Variants in FBXL13 observed in about 807,000 individuals in gnomAD.
FBXL13 encodes F-box and leucine rich repeat protein 13.
FBXL13 carries 67 observed loss-of-function variants against 83.6 expected under a neutral mutation model. The ratio of observed to expected loss-of-function variants is 0.80; its 90% CI spans 0.66 to 0.98. The LOEUF is 0.98. FBXL13 is among the 50% of genes least tolerant of loss of function. The pLI is 0.00. For missense variants in FBXL13, 822 were observed against 866.5 expected (o/e 0.95, Z 0.64); for synonymous variants, 272 against 299.5 (o/e 0.91, Z 0.95).
intron 6 of FBXL13, among the ~76,000 whole-genome samples, chr7:103,014,331 G>C (rs1202754418): frequency 1.3e-5 from 2 of 151,954 alleles, no homozygotes; most frequent in Non-Finnish European, 1.5e-5. Flanking sequence ...CTCCAGCCTG[G>C]GTGACAGAGC....
chr7:102,875,110 C>G (rs978456791), intron 16 of FBXL13, among the ~76,000 whole-genome samples: 2 of 152,132 alleles, frequency 1.3e-5, no homozygotes, highest in Non-Finnish European at 2.9e-5. Context: ...TGTGACCCTT[C>G]AGACAACAGC....
chr7:103,060,018 TTTTATATATATATA>T (rs1797702660), intron 1 of FBXL13, among the ~76,000 whole-genome samples: 1 of 58,354 alleles, frequency 1.7e-5, no homozygotes, highest in African/African-American at 6.1e-5. Context: ...TAGCAAGATA[TTTTATATATATATA>T]TATATATATA....
intron 2 of FBXL13, 47 bp downstream of exon 3, chr7:103,055,041 C>T (rs567402328): frequency 1.3e-5 from 14 of 1,117,436 alleles, no homozygotes; most frequent in East Asian, 1.2e-4. Context: ...AAAATTCCAT[C>T]GAAGTTTAAA....
At chr7:102,913,426 ACATTTCAAG>A in intron 10 of FBXL13, among the ~76,000 whole-genome samples, 1 of 152,256 alleles carries the variant, frequency 6.6e-6, no homozygotes, top group Non-Finnish European at 1.5e-5. Context: ...ACCTTGTAAT[ACATTTCAAG>A]TGAAAGTATT....
intron 6 of FBXL13, among the ~76,000 whole-genome samples, chr7:102,970,008 T>C (rs1403334816): frequency 2.0e-5 from 3 of 152,096 alleles, no homozygotes; most frequent in African/African-American, 7.2e-5. Flanking sequence ...TCCAGCACTT[T>C]AGGAGGCTGA....
At chr7:102,812,473 A>C (rs1325544101), downstream of FBXL13, among the ~76,000 whole-genome samples, 1 of 152,184 alleles carries the variant, frequency 6.6e-6, no homozygotes, top group Non-Finnish European at 1.5e-5. Context: ...CCCCTGACTA[A>C]GTCAAATGTT....
downstream of FBXL13, chr7:102,813,179 C>A (rs757864131): frequency 4.3e-6 from 3 of 691,488 alleles, no homozygotes; most frequent in African/African-American, 1.8e-5. Flanking sequence ...GACAGAAGAA[C>A]TACTGATGTG....
intron 6 of FBXL13, among the ~76,000 whole-genome samples, chr7:102,982,523 C>G (rs554741942): frequency 1.6e-4 from 24 of 152,296 alleles, no homozygotes; most frequent in African/African-American, 5.1e-4. Flanking sequence ...CTTCACCATT[C>G]TGTCAAACCA....
At position 102,859,621 on chromosome 7, in the gene FBXL13, C is replaced by A. The variant is rs1168956344; in HGVS notation, c.1636-4761G>T. ...GGGAAGAGTGGAGTGGGAAGACAGG[C>A]CAAAAATGAGGAGGCAAGAGGTAAC... On this transcript the variant is annotated intron_variant, in intron 16 of 19. Transcript: ENST00000313221. Among the ~76,000 whole-genome samples, 5 of 151,266 alleles carry A rather than the reference C, an allele frequency of 3.3e-5. No homozygotes were observed. In the South Asian group the frequency reaches 8.5e-4, roughly 26 times the overall value.
intron 6 of FBXL13, among the ~76,000 whole-genome samples, chr7:103,007,769 T>C (rs1418187679): frequency 6.6e-6 from 1 of 151,992 alleles, no homozygotes; most frequent in East Asian, 1.9e-4. Context: ...CTACAGTCAT[T>C]AGATTGGGCC....
intron 16 of FBXL13, among the ~76,000 whole-genome samples, chr7:102,872,239 C>G (rs1270592151): frequency 6.6e-6 from 1 of 152,178 alleles, no homozygotes; most frequent in Non-Finnish European, 1.5e-5. Context: ...TCCCCACACC[C>G]ACCCTTCCAA....
chr7:102,813,130 G>C (rs1051983354), downstream of FBXL13: 9 of 516,008 alleles, frequency 1.7e-5, no homozygotes, highest in Non-Finnish European at 3.0e-5. Context: ...GTGAGCCACC[G>C]CTCCTGGCCT....
intron 8 of FBXL13, among the ~76,000 whole-genome samples, chr7:102,937,824 G>A (rs1313622802): frequency 6.6e-6 from 1 of 152,174 alleles, no homozygotes; most frequent in Non-Finnish European, 1.5e-5. Flanking sequence ...TAGAATTGAA[G>A]TGTGACAACC....
chr7:102,875,581 C>T (rs1254458676), intron 16 of FBXL13, among the ~76,000 whole-genome samples: 4 of 152,106 alleles, frequency 2.6e-5, no homozygotes, highest in African/African-American at 9.7e-5. Flanking sequence ...AGCAATAAGA[C>T]AGAGTGTTCC....
intron 10 of FBXL13, among the ~76,000 whole-genome samples, chr7:102,913,834 A>T (rs1220381881): frequency 6.6e-6 from 1 of 152,244 alleles, no homozygotes; most frequent in East Asian, 1.9e-4. Context: ...TTAAGCATGG[A>T]TTAAGAAGAC....
intron 10 of FBXL13, among the ~76,000 whole-genome samples, chr7:102,924,211 C>A (rs1817623387): frequency 6.7e-6 from 1 of 149,028 alleles, no homozygotes; most frequent in Admixed American, 6.7e-5. Context: ...GCACTCCACC[C>A]TGGGCAACAA....
intron 5 of FBXL13, among the ~76,000 whole-genome samples, chr7:103,025,449 T>C (rs1793795368): frequency 6.6e-6 from 1 of 152,224 alleles, no homozygotes; most frequent in Admixed American, 6.5e-5. Flanking sequence ...CATAAAACAC[T>C]GGCACAGGCA....
chr7:103,011,577 G>T (rs1215508938), intron 6 of FBXL13, among the ~76,000 whole-genome samples: 1 of 150,826 alleles, frequency 6.6e-6, no homozygotes, highest in African/African-American at 2.4e-5. Flanking sequence ...GGCAGAGGTT[G>T]CAGTAAGGGA....
At chr7:103,048,299 A>G (rs1416551081) in intron 2 of FBXL13, among the ~76,000 whole-genome samples, 1 of 152,014 alleles carries the variant, frequency 6.6e-6, no homozygotes, top group African/African-American at 2.4e-5. Flanking sequence ...TCACTTAGCC[A>G]AAATGATGAC....
Sources: gnomAD v4.1 joint callset for allele counts (sites outside exome capture counted in the v4.1 genomes callset) on GRCh38, gnomAD v4.1.1 for gene constraint, MANE v1.5 for transcripts, NCBI Gene and HGNC (gene_info 2026-07-23, HGNC 2026-07-21) for gene names.